Variants in SENP5 observed in about 807,000 individuals in gnomAD.
SENP5 encodes sentrin-specific protease 5.
In SENP5, 21 loss-of-function variants were observed where a neutral mutation model predicts 74.2. That is an observed-to-expected ratio of 0.28 (90% CI 0.20 to 0.41). SENP5 has a LOEUF of 0.41. SENP5 is among the 10% of genes least tolerant of loss of function. SENP5 has a pLI of 1.00. For missense variants in SENP5, 717 were observed against 889.1 expected (o/e 0.81, Z 2.46); for synonymous variants, 311 against 312.7 (o/e 0.99, Z 0.06).
intron 1 of SENP5, among the ~76,000 whole-genome samples, chr3:196,871,151 C>G (rs1413904221): frequency 6.6e-6 from 1 of 151,660 alleles, no homozygotes; most frequent in East Asian, 1.9e-4. Flanking sequence ...GCTTTGGCAA[C>G]AGGGTGAGAC....
At chr3:196,912,852 T>G (rs946296291) in intron 6 of SENP5, 8 of 152,264 alleles carry the variant, frequency 5.3e-5, no homozygotes, top group Admixed American at 2.6e-4. Context: ...CCAGCCTGGG[T>G]GACAGACCTT....
At chr3:196,895,466 G>C (rs988219807) in intron 2 of SENP5, among the ~76,000 whole-genome samples, 2 of 151,982 alleles carry the variant, frequency 1.3e-5, no homozygotes. Context: ...GATTACAGGC[G>C]TAAGCCACCG....
intron 5 of SENP5, among the ~76,000 whole-genome samples, chr3:196,901,475 C>A (rs1411827434): frequency 6.6e-6 from 1 of 152,120 alleles, no homozygotes; most frequent in Non-Finnish European, 1.5e-5. Flanking sequence ...ACTCTAAATT[C>A]TCTTAAGAGT....
intron 9 of SENP5, among the ~76,000 whole-genome samples, chr3:196,930,432 AAC>A (rs1715993322): frequency 6.6e-6 from 1 of 152,144 alleles, no homozygotes; most frequent in African/African-American, 2.4e-5. Context: ...AAATGCTTAA[AAC>A]AGTGTATTTT....
At chr3:196,917,749 A>G (rs1363304055) in intron 6 of SENP5, among the ~76,000 whole-genome samples, 1 of 152,326 alleles carries the variant, frequency 6.6e-6, no homozygotes, top group East Asian at 1.9e-4. Flanking sequence ...ACTTTCCCAG[A>G]CAAACAAAAG....
chr3:196,893,566 C>G (rs1714303686), intron 2 of SENP5, among the ~76,000 whole-genome samples: 1 of 151,892 alleles, frequency 6.6e-6, no homozygotes, highest in Non-Finnish European at 1.5e-5. Context: ...TTTTTTCAGG[C>G]AAAAGAGAAC....
chr3:196,918,628 G>A (rs1418774909), intron 6 of SENP5, among the ~76,000 whole-genome samples: 5 of 151,978 alleles, frequency 3.3e-5, no homozygotes, highest in Admixed American at 3.3e-4. Flanking sequence ...GTAGAAAGCA[G>A]ATAACAAAAT....
intron 1 of SENP5, among the ~76,000 whole-genome samples, chr3:196,880,492 CTT>C (rs960080873): frequency 1.3e-5 from 2 of 152,136 alleles, no homozygotes; most frequent in African/African-American, 4.8e-5. Flanking sequence ...TGTCACATGA[CTT>C]TTCTTTTTCT....
chr3:196,930,930 G>C lies in SENP5; in HGVS notation c.*7G>C. 6.3e-7 allele frequency: 1 copy of C among 1,586,920 alleles called. No homozygotes were observed. The highest frequency in any genetic ancestry group is 8.7e-7 in the Non-Finnish European group (1 of 1,155,266). On this transcript the variant is annotated 3_prime_UTR_variant, in exon 10 of 10. Transcript: ENST00000323460. ...GTGCCGGCTCATGGACTGAAACTCA[G>C]CAGGGACTCTGGGAAGTCTGACCAA...
At chr3:196,915,022 C>T (rs544276650) in intron 6 of SENP5, among the ~76,000 whole-genome samples, 2 of 152,324 alleles carry the variant, frequency 1.3e-5, no homozygotes, top group South Asian at 2.1e-4. Flanking sequence ...TCTGCCAGCA[C>T]CCATGGAGGG....
intron 1 of SENP5, among the ~76,000 whole-genome samples, chr3:196,883,212 A>G (rs1713805349): frequency 6.6e-6 from 1 of 152,208 alleles, no homozygotes; most frequent in Non-Finnish European, 1.5e-5. Context: ...TGTGGAGTTA[A>G]GTAGGGATCT....
At chr3:196,903,035 C>A (rs1028073566) in intron 5 of SENP5, among the ~76,000 whole-genome samples, 1 of 152,164 alleles carries the variant, frequency 6.6e-6, no homozygotes, top group African/African-American at 2.4e-5. Context: ...CTGCCCCATT[C>A]CAAAGCTGAC....
intron 2 of SENP5, among the ~76,000 whole-genome samples, chr3:196,895,354 T>A (rs577129252): frequency 2.8e-4 from 42 of 150,372 alleles, no homozygotes; most frequent in Non-Finnish European, 4.1e-4. Context: ...CCCGGCTAAT[T>A]TTTTGTATTT....
chr3:196,894,953 C>A (rs962615117), intron 2 of SENP5, among the ~76,000 whole-genome samples: 1 of 152,188 alleles, frequency 6.6e-6, no homozygotes, highest in Non-Finnish European at 1.5e-5. Flanking sequence ...CATCTTTTCA[C>A]TTAGGTTTTG....
chr3:196,900,473 T>A, intron 5 of SENP5, 61 bp downstream of exon 5: 3 of 1,393,914 alleles, frequency 2.2e-6, no homozygotes, highest in Non-Finnish European at 2.9e-6. Flanking sequence ...ATGAGTAGTT[T>A]TTTTGTTTTT....
intron 5 of SENP5, among the ~76,000 whole-genome samples, chr3:196,900,790 T>C (rs2108837168): frequency 6.6e-6 from 1 of 151,766 alleles, no homozygotes; most frequent in East Asian, 2.0e-4. Context: ...TTCATCATAT[T>C]GGTCAGGCTG....
At chr3:196,888,667 T>C (rs922668948) in intron 2 of SENP5, among the ~76,000 whole-genome samples, 1 of 151,900 alleles carries the variant, frequency 6.6e-6, no homozygotes, top group Non-Finnish European at 1.5e-5. Context: ...ATATGACATA[T>C]GTAGGATGAG....
At chr3:196,898,408 C>T (rs568414391) in intron 2 of SENP5, among the ~76,000 whole-genome samples, 12 of 150,934 alleles carry the variant, frequency 8.0e-5, no homozygotes, top group Non-Finnish European at 1.3e-4. Context: ...CCAGCCTGAG[C>T]AACATAGCAA....
chr3:196,912,999 A>G (rs1715199667), intron 6 of SENP5: 1 of 152,232 alleles, frequency 6.6e-6, no homozygotes, highest in Non-Finnish European at 1.5e-5. Flanking sequence ...AAATTGTGTA[A>G]TTATCAGATT....
Sources: gnomAD v4.1 joint callset for allele counts (sites outside exome capture counted in the v4.1 genomes callset) on GRCh38, gnomAD v4.1.1 for gene constraint, MANE v1.5 for transcripts, NCBI Gene and HGNC (gene_info 2026-07-23, HGNC 2026-07-21) for gene names.